The following POLA1 variants were observed in gnomAD, a reference collection of about 807,000 sequenced individuals.
The protein encoded by POLA1 is DNA polymerase alpha catalytic subunit.
In POLA1, 15 loss-of-function variants were observed where a neutral mutation model predicts 124.0. The ratio of observed to expected loss-of-function variants is 0.12; its 90% CI spans 0.08 to 0.19. The LOEUF is 0.19. Ranked by LOEUF, POLA1 falls within the 10% of genes least tolerant of loss-of-function variation. POLA1 has a pLI of 1.00. For missense variants in POLA1, 886 were observed against 1,103.4 expected, an observed-to-expected ratio of 0.80 and a Z score of 2.79; for synonymous variants, 408 against 389.4, an observed-to-expected ratio of 1.05 and a Z score of -0.56.
chrX:24,856,346 A>C (rs1046272043), intron 34 of POLA1, among the ~76,000 whole-genome samples: 2 of 112,070 alleles, frequency 1.8e-5, no homozygotes, highest in Non-Finnish European at 3.8e-5. Context: ...TTTATTGCTG[A>C]ATGTATTCTA....
At chrX:24,901,242 G>T (rs984222871) in intron 35 of POLA1, among the ~76,000 whole-genome samples, 8 of 111,364 alleles carry the variant, frequency 7.2e-5, no homozygotes, top group African/African-American at 2.6e-4. Context: ...ATTTATGTAG[G>T]GTATCTAGGG....
chrX:24,823,764 TA>T (rs974643628), intron 31 of POLA1, among the ~76,000 whole-genome samples: 1 of 112,429 alleles, frequency 8.9e-6, no homozygotes, highest in Non-Finnish European at 1.9e-5. Flanking sequence ...CCTCCAAGAA[TA>T]GCCTATATCC....
rs183156250 is a variant in POLA1 at position 24,801,926 on chromosome X, T to G, written c.2965-7972T>G. 4.1e-4 allele frequency among the ~76,000 whole-genome samples: 35 copies of G among 85,579 alleles called. No homozygotes were observed. The East Asian group carries it at 9.8e-3, about 24-fold the overall frequency. 74.3% of individuals were successfully genotyped at this position (85,579 alleles called of 115,157 possible). On this transcript the variant is annotated intron_variant, in intron 26 of 36. Coordinates refer to ENST00000379068, the MANE Select transcript of POLA1 (RefSeq NM_001330360.2). The stretch of plus-strand genomic sequence containing the variant: ...AGAGCCACTAGGAGAGGTGGGTGGG[T>G]GTGTGTGTGTGTGTGTGTGTGTGTG...
intron 36 of POLA1, among the ~76,000 whole-genome samples, chrX:24,948,483 C>G (rs2047995648): frequency 9.0e-6 from 1 of 110,971 alleles, no homozygotes; most frequent in African/African-American, 3.3e-5. Context: ...ATTCAGTACA[C>G]AGTGGGGTTG....
At chrX:24,719,038 G>C (rs1930032983) in intron 10 of POLA1, among the ~76,000 whole-genome samples, 1 of 111,850 alleles carries the variant, frequency 8.9e-6, no homozygotes, top group Non-Finnish European at 1.9e-5. Context: ...TGCATTGCAA[G>C]ATCTGTCAGA....
At chrX:24,877,915 G>GTTTTT (rs5901765) in intron 34 of POLA1, among the ~76,000 whole-genome samples, 3 of 95,762 alleles carry the variant, frequency 3.1e-5, no homozygotes, top group African/African-American at 3.8e-5. Context: ...GTTTTTTTTT[G>GTTTTT]TTTTTTTTTT....
intron 26 of POLA1, among the ~76,000 whole-genome samples, chrX:24,750,307 C>A (rs988388090): frequency 2.7e-5 from 3 of 112,814 alleles, no homozygotes; most frequent in Admixed American, 9.4e-5. Flanking sequence ...TGAAAACGTT[C>A]TCCATCTGCA....
intron 26 of POLA1, among the ~76,000 whole-genome samples, chrX:24,772,177 A>T (rs2045052047): frequency 9.0e-6 from 1 of 111,327 alleles, no homozygotes; most frequent in Non-Finnish European, 1.9e-5. Flanking sequence ...GACTTTTCGT[A>T]TTGTTTTCAG....
intron 26 of POLA1, among the ~76,000 whole-genome samples, chrX:24,780,024 T>A (rs2045227352): frequency 8.9e-6 from 1 of 112,567 alleles, no homozygotes; most frequent in South Asian, 3.7e-4. Flanking sequence ...AATGCGTATT[T>A]GTGGTTATTA....
chrX:24,818,193 G>A (rs181416259), intron 30 of POLA1, among the ~76,000 whole-genome samples: 1 of 109,629 alleles, frequency 9.1e-6, no homozygotes, highest in African/African-American at 3.3e-5. Context: ...AAACCACCAG[G>A]AAGCATTTTT....
intron 15 of POLA1, among the ~76,000 whole-genome samples, chrX:24,729,964 A>C (rs545583625): frequency 4.6e-5 from 5 of 108,188 alleles, no homozygotes; most frequent in Middle Eastern, 4.8e-3. Flanking sequence ...GCCACTACAC[A>C]TGGTTAATTT....
rs2046386300 is a variant in POLA1 at position 24,839,739 on chromosome X, C to T, written c.3737-1913C>T. 5.3e-5 allele frequency among the ~76,000 whole-genome samples: 6 copies of T among 112,346 alleles called. No homozygotes were observed. In the South Asian group the frequency reaches 2.2e-3, roughly 41 times the overall value. On this transcript the variant is annotated intron_variant, in intron 32 of 36. Coordinates refer to ENST00000379068, the MANE Select transcript of POLA1 (RefSeq NM_001330360.2). ...AAAAATCTTGCTTATTTTCTTTTTCCTTATCTTTTGATTAGTGTTGGCCTG... is the reference window on the plus strand; with the variant it reads ...AAAAATCTTGCTTATTTTCTTTTTCTTTATCTTTTGATTAGTGTTGGCCTG...
At chrX:24,995,690 C>A in intron 36 of POLA1, 115 bp from the exon 37 acceptor site, 1 of 655,735 alleles carries the variant, frequency 1.5e-6, no homozygotes, top group Non-Finnish European at 2.4e-6. Flanking sequence ...AGGGGTAGAC[C>A]AGAGATAAGA....
rs753914617 is a variant in POLA1, at chrX:24,792,397, A to G, written c.2965-17501A>G. Among the ~76,000 whole-genome samples the G allele has an allele frequency of 2.7e-5, 3 of 112,211 alleles. No homozygotes were observed. The East Asian group carries it at 8.4e-4, about 31-fold the overall frequency. On this transcript the variant is annotated intron_variant, in intron 26 of 36. Coordinates refer to ENST00000379068, the MANE Select transcript of POLA1 (RefSeq NM_001330360.2). ...GAGCCTCCTCATTTCCTTCTATTCT[A>G]ACTACACCTACTCTTCTTCCTGCCT...
At chrX:24,814,821 C>T (rs996470651) in intron 29 of POLA1, among the ~76,000 whole-genome samples, 158 bp from the exon 30 acceptor site, 8 of 111,532 alleles carry the variant, frequency 7.2e-5, no homozygotes, top group African/African-American at 9.8e-5. Context: ...AAATAGTAAC[C>T]GCCTTTTCGA....
At chrX:24,953,297 T>G (rs2048069409) in intron 36 of POLA1, among the ~76,000 whole-genome samples, 1 of 112,323 alleles carries the variant, frequency 8.9e-6, no homozygotes, top group Non-Finnish European at 1.9e-5. Flanking sequence ...TGTTATAAGT[T>G]TGTTTTTAGC....
chrX:24,984,761 G>A (rs1017910573), intron 36 of POLA1, among the ~76,000 whole-genome samples: 48 of 103,879 alleles, frequency 4.6e-4, no homozygotes, highest in African/African-American at 1.6e-3. Flanking sequence ...CCGGGTTCAC[G>A]CCATTCTCCT....
At chrX:24,696,323 C>G (rs1422892039) in intron 1 of POLA1, among the ~76,000 whole-genome samples, 1 of 112,030 alleles carries the variant, frequency 8.9e-6, no homozygotes, top group Non-Finnish European at 1.9e-5. Flanking sequence ...TAGCCAGGAA[C>G]AGTGAGTGAA....
chrX:24,754,139 A>G (rs1253506380), intron 26 of POLA1, among the ~76,000 whole-genome samples: 2 of 112,298 alleles, frequency 1.8e-5, no homozygotes, highest in Non-Finnish European at 3.8e-5. Context: ...TGGTGATGAA[A>G]GAGAATGAGT....
Sources: allele counts gnomAD v4.1 joint callset (sites outside exome capture counted in the v4.1 genomes callset), GRCh38; gene constraint gnomAD v4.1.1; transcripts MANE v1.5; gene names NCBI Gene and HGNC (gene_info 2026-07-23, HGNC 2026-07-21).